The following CHRNA7 variants were observed in gnomAD, a reference collection of about 807,000 sequenced individuals.
CHRNA7 encodes the protein neuronal acetylcholine receptor subunit alpha-7.
A neutral mutation model predicts 48.0 loss-of-function variants in CHRNA7; 17 were observed. That is an observed-to-expected ratio of 0.35 (90% CI 0.24 to 0.53). The LOEUF is 0.53. Ranked by LOEUF, CHRNA7 falls within the 20% of genes least tolerant of loss-of-function variation. CHRNA7 has a pLI of 0.92. For synonymous variants in CHRNA7, 75 were observed against 242.3 expected, an observed-to-expected ratio of 0.31 and a Z score of 6.41; for missense variants, 155 against 577.7, an observed-to-expected ratio of 0.27 and a Z score of 7.50.
chr15:32,124,357 A>G (rs2051028821), intron 4 of CHRNA7, among the ~76,000 whole-genome samples: 1 of 152,092 alleles, frequency 6.6e-6, no homozygotes, highest in African/African-American at 2.4e-5. Context: ...ATGAATAATT[A>G]TGTTGCAGTG....
At chr15:32,076,557 A>G (rs1398906110) in intron 2 of CHRNA7, among the ~76,000 whole-genome samples, 5 of 152,182 alleles carry the variant, frequency 3.3e-5, no homozygotes, top group Non-Finnish European at 5.9e-5. Context: ...TTTATTTGAT[A>G]TAAGTTTCTT....
At chr15:32,056,488 T>C (rs2049790732) in intron 2 of CHRNA7, among the ~76,000 whole-genome samples, 1 of 152,218 alleles carries the variant, frequency 6.6e-6, no homozygotes. Context: ...CATTTGGACA[T>C]TGTATTGTCC....
At chr15:32,104,288 C>T (rs1292882715) in intron 3 of CHRNA7, among the ~76,000 whole-genome samples, 1 of 152,006 alleles carries the variant, frequency 6.6e-6, no homozygotes, top group Admixed American at 6.6e-5. Flanking sequence ...CCCTCAGGGC[C>T]TTTGCACTGG....
At chr15:32,108,399 A>G (rs1158103715) in intron 3 of CHRNA7, among the ~76,000 whole-genome samples, 1 of 152,208 alleles carries the variant, frequency 6.6e-6, no homozygotes, top group Non-Finnish European at 1.5e-5. Context: ...TTCTTTTCAG[A>G]TCCCCACTCT....
intron 4 of CHRNA7, among the ~76,000 whole-genome samples, chr15:32,122,412 A>AATCT (rs1250467573): frequency 6.6e-6 from 1 of 152,220 alleles, no homozygotes; most frequent in Non-Finnish European, 1.5e-5. Flanking sequence ...TACCCATACC[A>AATCT]ATCTATCTTG....
intron 4 of CHRNA7, among the ~76,000 whole-genome samples, chr15:32,130,181 A>G (rs556115141): frequency 9.2e-5 from 14 of 152,144 alleles, no homozygotes; most frequent in African/African-American, 3.1e-4. Flanking sequence ...CTAAATGCCA[A>G]TTAAGTCCTG....
intron 4 of CHRNA7, among the ~76,000 whole-genome samples, chr15:32,135,660 CA>C (rs1396609693): frequency 4.6e-5 from 7 of 151,980 alleles, no homozygotes; most frequent in African/African-American, 1.4e-4. Context: ...AGCCATGTCC[CA>C]AAAGAACAGC....
intron 4 of CHRNA7, among the ~76,000 whole-genome samples, chr15:32,151,962 G>A (rs2141361283): frequency 6.6e-6 from 1 of 152,306 alleles, no homozygotes; most frequent in South Asian, 2.1e-4. Flanking sequence ...GCCAAAATGA[G>A]GGGAGCTTTA....
At chr15:32,121,289 A>C (rs1376726139) in intron 4 of CHRNA7, among the ~76,000 whole-genome samples, 1 of 152,226 alleles carries the variant, frequency 6.6e-6, no homozygotes, top group Non-Finnish European at 1.5e-5. Flanking sequence ...CTGTGCTTCT[A>C]GGAAGACGCA....
At chr15:32,122,718 C>A (rs902732493) in intron 4 of CHRNA7, among the ~76,000 whole-genome samples, 1 of 151,952 alleles carries the variant, frequency 6.6e-6, no homozygotes. Context: ...TTGAGCAATA[C>A]ATCTTTCTCC....
At chr15:32,046,121 A>G (rs184086289) in intron 2 of CHRNA7, among the ~76,000 whole-genome samples, 158 of 152,232 alleles carry the variant, frequency 1.0e-3, no homozygotes, top group Middle Eastern at 3.4e-3. Context: ...TAGGGCCACA[A>G]TAAACATACG....
intron 2 of CHRNA7, among the ~76,000 whole-genome samples, chr15:32,043,869 A>G (rs1456456463): frequency 6.6e-6 from 1 of 152,012 alleles, no homozygotes; most frequent in African/African-American, 2.4e-5. Context: ...AAGTAGCACA[A>G]TTTCTCCATG....
intron 2 of CHRNA7, among the ~76,000 whole-genome samples, chr15:32,062,646 T>G (rs1383658895): frequency 6.6e-6 from 1 of 152,196 alleles, no homozygotes; most frequent in Non-Finnish European, 1.5e-5. Context: ...TATGATTGCC[T>G]TTTGTCAACA....
intron 2 of CHRNA7, among the ~76,000 whole-genome samples, chr15:32,038,988 T>G (rs754370494): frequency 6.6e-6 from 1 of 152,210 alleles, no homozygotes; most frequent in Non-Finnish European, 1.5e-5. Context: ...TGTTTGAGTT[T>G]TGAGAAATTT....
chr15:32,099,234 G>A (rs1330359593), intron 2 of CHRNA7: 1 of 152,390 alleles, frequency 6.6e-6, no homozygotes, highest in South Asian at 2.1e-4. Context: ...GGAAGGAGGT[G>A]AGGGACCTTG....
At chr15:32,070,993 C>CT (rs1236437451) in intron 2 of CHRNA7, among the ~76,000 whole-genome samples, 5 of 151,926 alleles carry the variant, frequency 3.3e-5, no homozygotes, top group African/African-American at 9.7e-5. Context: ...GGCCTAGTTC[C>CT]TTTTTTTATA....
intron 4 of CHRNA7, among the ~76,000 whole-genome samples, chr15:32,115,300 G>A (rs567163859): frequency 6.6e-6 from 1 of 152,290 alleles, no homozygotes; most frequent in African/African-American, 2.4e-5. Flanking sequence ...ACCAGAAGAG[G>A]CGTGCATTGT....
At chr15:32,062,270 C>A (rs1017336070) in intron 2 of CHRNA7, among the ~76,000 whole-genome samples, 8 of 152,122 alleles carry the variant, frequency 5.3e-5, no homozygotes, top group African/African-American at 1.9e-4. Context: ...AACACACTTC[C>A]CTTCATTTAT....
intron 4 of CHRNA7, among the ~76,000 whole-genome samples, chr15:32,113,401 A>G (rs905922683): frequency 2.0e-5 from 3 of 152,190 alleles, no homozygotes; most frequent in South Asian, 2.1e-4. Context: ...GGCACCAGGT[A>G]TTAGGATTTC....
Sources: allele counts gnomAD v4.1 joint callset (sites outside exome capture counted in the v4.1 genomes callset), GRCh38; gene constraint gnomAD v4.1.1; transcripts MANE v1.5; gene names NCBI Gene and HGNC (gene_info 2026-07-23, HGNC 2026-07-21).